Variants in C22orf23 observed in about 807,000 individuals in gnomAD.
The protein encoded by C22orf23 is chromosome 22 open reading frame 23.
In C22orf23, 30 loss-of-function variants were observed where a neutral mutation model predicts 29.7. The ratio of observed to expected loss-of-function variants is 1.01; its 90% confidence interval spans 0.76 to 1.37. The LOEUF is 1.37. C22orf23 is among the 40% of genes most tolerant of loss of function. C22orf23 has a pLI of 0.00. For synonymous variants in C22orf23, 90 were observed against 96.1 expected (o/e 0.94, Z 0.37); for missense variants, 237 against 273.1 (o/e 0.87, Z 0.93).
chr22:37,946,389 G>C (rs1282331765), intron 4 of C22orf23, among the ~76,000 whole-genome samples: 1 of 151,966 alleles, frequency 6.6e-6, no homozygotes, highest in Non-Finnish European at 1.5e-5. Flanking sequence ...TCGTGCCACT[G>C]TACTCCAGCC....
intron 3 of C22orf23, among the ~76,000 whole-genome samples, chr22:37,947,909 C>T (rs1348563339): frequency 6.6e-6 from 1 of 151,372 alleles, no homozygotes; most frequent in African/African-American, 2.4e-5. Flanking sequence ...AATTCGAGAC[C>T]ACCCTGGCTA....
chr22:37,946,111 T>G (rs1262287425), intron 4 of C22orf23, among the ~76,000 whole-genome samples: 2 of 150,542 alleles, frequency 1.3e-5, no homozygotes, highest in Non-Finnish European at 3.0e-5. Flanking sequence ...ACAAAAAAAT[T>G]AGCCCGGCGT....
chr22:37,953,535 G>A lies in C22orf23; in HGVS notation c.-97C>T, dbSNP rs1271579136. ...ACTGCTTTACAGCCGCATCCGCACC[G>A]GTGCCACGCAGAAATACTGCGCGAT... On this transcript the variant is annotated 5_prime_UTR_variant, in exon 1 of 7. Transcript: ENST00000403305. 5.3e-6 allele frequency: 3 copies of A among 568,270 alleles called. No homozygotes were observed. The East Asian group carries it at 9.2e-5, about 17-fold the overall frequency. The allele number at this position is 568,270 out of a possible 1,614,324, so 35.2% of individuals were successfully genotyped here. A position where few individuals can be genotyped will look rare whatever the true frequency, so the allele number is the denominator to read the frequency against.
intron 1 of C22orf23, 120 bp downstream of exon 1, chr22:37,953,328 A>G: frequency 1.7e-6 from 1 of 599,282 alleles, no homozygotes; most frequent in Admixed American, 3.0e-5. Flanking sequence ...ACAGATACAC[A>G]CACACAGTCC....
chr22:37,951,827 T>TTTTTTTTTTTG (rs1931050500), intron 2 of C22orf23: 1 of 141,856 alleles, frequency 7.0e-6, no homozygotes, highest in African/African-American at 3.1e-5. Context: ...TTTTTTTTTT[T>TTTTTTTTTTTG]TTTTTGAGAT....
rs1410669151 is a variant in C22orf23, at chr22:37,951,404, TAA to T, written c.166+54_166+55del. ...TCTCTCCCTTAACATGGAGAAGCAT[TAA>T]AAGTGTGGCCCCAGATCCCTCTGTC... is the stretch of plus-strand genomic sequence containing the variant. On this transcript the variant is annotated intron_variant, in intron 3 of 6. Transcript: ENST00000403305. 41 of 1,488,696 alleles carry T rather than the reference TAA, an allele frequency of 2.8e-5. No homozygotes were observed. In the East Asian group the frequency reaches 9.1e-4, roughly 33 times the overall value. The allele number at this position is 1,488,696 out of a possible 1,614,324, so 92.2% of individuals were successfully genotyped here. A position where few individuals can be genotyped will look rare whatever the true frequency, so the allele number is the denominator to read the frequency against.
chr22:37,952,959 C>G (rs1931153435), intron 2 of C22orf23, 88 bp downstream of exon 2: 6 of 918,646 alleles, frequency 6.5e-6, no homozygotes, highest in Non-Finnish European at 1.0e-5. Context: ...GAAACCATTC[C>G]CCACACCTCC....
In C22orf23 at chr22:37,953,496, C is replaced by T; in HGVS notation, c.-58G>A. The stretch of plus-strand genomic sequence containing the variant: ...CCCTCTCCACATAGAAGTGGGCTCC[C>T]GGAGGCGGTGACCACTGCTTTACAG... On this transcript the variant is annotated 5_prime_UTR_variant, in exon 1 of 7. Coordinates refer to ENST00000403305, the MANE Select transcript of C22orf23 (RefSeq NM_032561.5). 3.7e-6 allele frequency: 2 copies of T among 545,100 alleles called. No homozygotes were observed. The highest frequency in any genetic ancestry group is 4.9e-5 in the South Asian group (2 of 41,176). The allele number at this position is 545,100 out of a possible 1,614,324, so 33.8% of individuals were successfully genotyped here.
At position 37,943,953 on chromosome 22, in the gene C22orf23, C is replaced by T; in HGVS notation, c.*222G>A. The stretch of plus-strand genomic sequence containing the variant: ...TCCTAGTAGGGATGCTCGGGCTTTG[C>T]TTCTCTGCGGACGGGGCTGTGAGTC... On this transcript the variant is annotated 3_prime_UTR_variant, in exon 7 of 7. Coordinates refer to ENST00000403305, the MANE Select transcript of C22orf23 (RefSeq NM_032561.5). The T allele has an allele frequency of 1.7e-6, 1 of 599,724 alleles. No individual in the cohort carries two copies. The highest frequency in any genetic ancestry group is 3.0e-6 in the Non-Finnish European group (1 of 335,936). 37.2% of individuals were successfully genotyped at this position (599,724 alleles called of 1,614,324 possible).
rs1930766283 is a variant in C22orf23 at position 37,947,443 on chromosome 22, G to A, written c.187C>T (p.Gln63Ter). 1.9e-6 allele frequency: 3 copies of A among 1,586,060 alleles called. No homozygotes were observed. The South Asian group carries it at 3.4e-5, about 18-fold the overall frequency. ...CTCTGGCTGGATGTTGGGCTGCACT[G>A]TAGGGGCAAAGCATCTCCTCCTGGG... Reference protein sequence around the residue: ...IMKRGDALPLQCSPTSSQRVL... With the variant: ...IMKRGDALPL Residue 63 changes from glutamine to a stop codon, truncating the protein, a stop_gained, in exon 4 of 7, where the codon CAG (glutamine) becomes TAG (stop). Transcript: ENST00000403305. LOFTEE classifies it high-confidence loss of function.
intron 6 of C22orf23, 41 bp downstream of exon 6, chr22:37,944,376 T>G: frequency 6.2e-7 from 1 of 1,613,788 alleles, no homozygotes; most frequent in Non-Finnish European, 8.5e-7. Context: ...CACTTGGCGC[T>G]GGGCCCTTCC....
At chr22:37,944,869 T>A (rs538460585) in intron 5 of C22orf23, 173 bp downstream of exon 5, 3 of 731,418 alleles carry the variant, frequency 4.1e-6, no homozygotes, top group Admixed American at 3.2e-5. Flanking sequence ...CACTGCACTC[T>A]AGCCTGGGCA....
rs1280041619 is a variant in C22orf23 at position 37,945,047 on chromosome 22, TC to T, written c.475del (p.Glu159LysfsTer4). On this transcript the variant is annotated frameshift_variant, in exon 5 of 7. Coordinates refer to ENST00000403305, the MANE Select transcript of C22orf23 (RefSeq NM_032561.5). LOFTEE classifies it high-confidence loss of function. Reference protein sequence around the residue: ...KAPAPELDRFEELVKEIQERK... With the variant: ...KAPAPELDRFXELVKEIQERK... Reference sequence around the variant, plus strand: ...CTGGTCCGTCGGAGTCTTACGCTCTTCAAATCGGTCTAGCTCAGGGGCTGGA... The same window carrying T: ...CTGGTCCGTCGGAGTCTTACGCTCTTAAATCGGTCTAGCTCAGGGGCTGGA... 2 of 1,606,298 alleles carry T rather than the reference TC, an allele frequency of 1.2e-6. No homozygotes were observed. Among genetic ancestry groups the T allele is most frequent in the Non-Finnish European group, 1.7e-6 (2 of 1,177,360 alleles).
At chr22:37,951,967 C>G (rs1245410102) in intron 2 of C22orf23, among the ~76,000 whole-genome samples, 4 of 151,692 alleles carry the variant, frequency 2.6e-5, no homozygotes, top group Non-Finnish European at 5.9e-5. Flanking sequence ...AGACATGCGC[C>G]ACCACGCCCG....
At chr22:37,947,846 C>A (rs369119618) in intron 3 of C22orf23, among the ~76,000 whole-genome samples, 1 of 151,210 alleles carries the variant, frequency 6.6e-6, no homozygotes, top group Non-Finnish European at 1.5e-5. Flanking sequence ...GTGGCTCATG[C>A]CTGTAATCCC....
rs756490588 is a variant in C22orf23 at position 37,945,090 on chromosome 22, G to C, written c.433C>G (p.Pro145Ala). ...DMEERKRKAP[P>A]ARQKAPAPEL... is the part of the protein sequence containing the mutation. The stretch of plus-strand genomic sequence containing the variant: ...GGGGCTGGAGCCTTCTGTCGTGCAG[G>C]AGGGGCCTTTCTTTTCCGTTCCTCC... The change falls in exon 5 of 7, where the codon CCT (proline) becomes GCT (alanine). Residue 145 changes from proline (P) to alanine (A), a missense_variant. Pro to Ala is a conservative substitution (Grantham distance 27). Coordinates refer to ENST00000403305, the MANE Select transcript of C22orf23 (RefSeq NM_032561.5). The C allele has an allele frequency of 2.5e-6, 4 of 1,613,726 alleles. No homozygotes were observed. Among genetic ancestry groups the C allele is most frequent in the Non-Finnish European group, 3.4e-6 (4 of 1,179,880 alleles).
chr22:37,945,095 G>A lies in C22orf23; in HGVS notation c.428C>T (p.Ala143Val). The A allele has an allele frequency of 6.2e-7, 1 of 1,613,682 alleles. No individual in the cohort carries two copies. Among genetic ancestry groups the A allele is most frequent in the South Asian group, 1.1e-5 (1 of 91,046 alleles). ...GKDMEERKRKAPPARQKAPAP... is the reference protein window; with the variant it reads ...GKDMEERKRKVPPARQKAPAP... ...TGGAGCCTTCTGTCGTGCAGGAGGG[G>A]CCTTTCTTTTCCGTTCCTCCATGTC... is the stretch of plus-strand genomic sequence containing the variant. Residue 143 changes from alanine to valine, a missense_variant, in exon 5 of 7, where the codon GCC becomes GTC. Ala to Val is a moderately conservative substitution (Grantham distance 64). Coordinates refer to ENST00000403305, the MANE Select transcript of C22orf23 (RefSeq NM_032561.5).
At position 37,953,046 on chromosome 22, in the gene C22orf23, C is replaced by T. The variant is rs1331997886; in HGVS notation, c.103+1G>A. 2 of 1,612,656 alleles carry T rather than the reference C, an allele frequency of 1.2e-6. No homozygotes were observed. The highest frequency in any genetic ancestry group is 3.3e-4 in the Middle Eastern group (2 of 6,000). The stretch of plus-strand genomic sequence containing the variant: ...TGGGATCGCTGCTTTAACGGACTGA[C>T]CTCTGAGCAGCTCGCAGGTCCCCGG... On this transcript the variant is annotated splice_donor_variant, in intron 2 of 6. Transcript: ENST00000403305. LOFTEE classifies it high-confidence loss of function.
intron 4 of C22orf23, among the ~76,000 whole-genome samples, chr22:37,946,968 A>G (rs1399824029): frequency 6.6e-6 from 1 of 151,756 alleles, no homozygotes. Flanking sequence ...CTGTAGTGGC[A>G]ACTTATGTAT....
Sources: gnomAD v4.1 joint callset for allele counts (sites outside exome capture counted in the v4.1 genomes callset) on GRCh38, gnomAD v4.1.1 for gene constraint, MANE v1.5 for transcripts, NCBI Gene and HGNC (gene_info 2026-07-23, HGNC 2026-07-21) for gene names.